Variants in SHROOM4 observed in about 807,000 individuals in gnomAD.
The protein encoded by SHROOM4 is protein Shroom4.
SHROOM4 carries 17 observed loss-of-function variants against 80.3 expected under a neutral mutation model. That is an observed-to-expected ratio of 0.21 (90% confidence interval 0.14 to 0.32). The LOEUF (loss-of-function observed/expected upper bound fraction) is 0.32. Ranked by LOEUF, SHROOM4 falls within the 10% of genes least tolerant of loss-of-function variation. SHROOM4 has a pLI of 1.00. For missense variants in SHROOM4, 993 were observed against 1,140.3 expected, an observed-to-expected ratio of 0.87 and a Z score of 1.86; for synonymous variants, 400 against 437.5, an observed-to-expected ratio of 0.91 and a Z score of 1.07.
Position 50,813,986 on chromosome X carries a change from G to T in SHROOM4, c.33C>A (p.Val11=). 8.3e-7 allele frequency: 1 copy of T among 1,209,291 alleles called. No homozygotes were observed. Among genetic ancestry groups the T allele is most frequent in the African/African-American group, 1.7e-5 (1 of 57,582 alleles). The change falls in exon 1 of 9, where the codon GTC becomes GTA. Residue 11 remains valine, a synonymous_variant. Coordinates refer to ENST00000376020, the MANE Select transcript of SHROOM4 (RefSeq NM_020717.5). The part of the protein sequence containing the change: MENRPGSFQY[V]PVQLQGGAPW... ...GTGCCCCCCCTTGCAGCTGCACAGG[G>T]ACGTACTGGAAGGACCCAGGCCGGT...
intron 1 of SHROOM4, among the ~76,000 whole-genome samples, chrX:50,732,266 G>A (rs1470373070): frequency 9.0e-6 from 1 of 111,302 alleles, no homozygotes; most frequent in Non-Finnish European, 1.9e-5. Flanking sequence ...TTAAGACTGC[G>A]TGTGTGCTGG....
chrX:50,640,336 C>T (rs1432843231), intron 2 of SHROOM4, among the ~76,000 whole-genome samples: 1 of 110,417 alleles, frequency 9.1e-6, no homozygotes, highest in Non-Finnish European at 1.9e-5. Flanking sequence ...CAATCCCACA[C>T]GGAGTTCTAC....
intron 1 of SHROOM4, among the ~76,000 whole-genome samples, chrX:50,807,286 T>A (rs1936244656): frequency 8.9e-6 from 1 of 112,016 alleles, no homozygotes; most frequent in African/African-American, 3.2e-5. Context: ...GTCACTCTTG[T>A]GTGTATTCCA....
chrX:50,688,888 G>T (rs1557262469), intron 2 of SHROOM4, among the ~76,000 whole-genome samples: 3 of 110,244 alleles, frequency 2.7e-5, no homozygotes, highest in Non-Finnish European at 3.8e-5. Flanking sequence ...ACTTAAATTG[G>T]CATATGACAT....
chrX:50,645,064 T>C (rs17003379), intron 2 of SHROOM4, among the ~76,000 whole-genome samples: 1,956 of 112,211 alleles, frequency 0.017, 49 homozygotes, highest in African/African-American at 0.059. Context: ...AAGGCTCAAA[T>C]GCCAAACCCA....
chrX:50,715,158 G>A (rs1269359780), intron 1 of SHROOM4, among the ~76,000 whole-genome samples: 3 of 110,653 alleles, frequency 2.7e-5, no homozygotes, highest in Non-Finnish European at 3.8e-5. Flanking sequence ...TGCTTGATAC[G>A]CTCCTGACAT....
At chrX:50,668,963 T>C (rs1302674616) in intron 2 of SHROOM4, among the ~76,000 whole-genome samples, 1 of 112,956 alleles carries the variant, frequency 8.9e-6, no homozygotes, top group African/African-American at 3.2e-5. Context: ...ATATAAAAGT[T>C]ATGTTTACAC....
chrX:50,608,319 A>T, intron 5 of SHROOM4, 135 bp from the exon 6 acceptor site: 10 of 510,189 alleles, frequency 2.0e-5, no homozygotes, highest in South Asian at 3.4e-5. Context: ...AATAATAGTA[A>T]TAATAATATT....
At chrX:50,638,407 T>G in intron 2 of SHROOM4, 99 bp from the exon 3 acceptor site, 1 of 1,044,402 alleles carries the variant, frequency 9.6e-7, no homozygotes, top group East Asian at 3.2e-5. Context: ...TTCAGTAAAG[T>G]AGAACATCTT....
At chrX:50,647,927 T>C (rs781879559) in intron 2 of SHROOM4, among the ~76,000 whole-genome samples, 5 of 112,003 alleles carry the variant, frequency 4.5e-5, no homozygotes, top group Non-Finnish European at 9.4e-5. Context: ...TGGACTGCAG[T>C]GGGAGATGAT....
chrX:50,771,594 T>C (rs1557269724), intron 1 of SHROOM4, among the ~76,000 whole-genome samples: 1 of 112,110 alleles, frequency 8.9e-6, no homozygotes. Flanking sequence ...CAATAACAGT[T>C]GCAATGCAAT....
chrX:50,587,839 A>G lies in SHROOM4; in HGVS notation c.*8856T>C, dbSNP rs782618513. Among the ~76,000 whole-genome samples, 15 of 112,594 alleles carry G rather than the reference A, an allele frequency of 1.3e-4. No individual in the cohort carries two copies. Among genetic ancestry groups the G allele is most frequent in the Non-Finnish European group, 2.8e-4 (15 of 53,294 alleles). The stretch of plus-strand genomic sequence containing the variant: ...CCACAATTCTGAATTTTGATTAAAT[A>G]GTGTTTCAAAATCACAGATCTGTTT... On this transcript the variant is annotated 3_prime_UTR_variant, in exon 9 of 9. Coordinates refer to ENST00000376020, the MANE Select transcript of SHROOM4 (RefSeq NM_020717.5).
rs919865173 is a variant in SHROOM4, at chrX:50,740,390, A to C, written c.118-44453T>G. 2.7e-5 allele frequency among the ~76,000 whole-genome samples: 3 copies of C among 112,051 alleles called. No individual in the cohort carries two copies. The East Asian group carries it at 8.4e-4, about 31-fold the overall frequency. ...TTTATAATGATAAAAGGGTCAATCA[A>C]TTGGGAAGATAAAACAATTACATGA... is the stretch of plus-strand genomic sequence containing the variant. On this transcript the variant is annotated intron_variant, in intron 1 of 8. Coordinates refer to ENST00000376020, the MANE Select transcript of SHROOM4 (RefSeq NM_020717.5).
At chrX:50,801,353 G>C (rs1424730028) in intron 1 of SHROOM4, among the ~76,000 whole-genome samples, 2 of 109,444 alleles carry the variant, frequency 1.8e-5, no homozygotes, top group African/African-American at 6.7e-5. Flanking sequence ...GCCTGTTCCA[G>C]ATCACTGTCA....
intron 2 of SHROOM4, among the ~76,000 whole-genome samples, chrX:50,670,079 T>A (rs1557260679): frequency 8.9e-6 from 1 of 112,080 alleles, no homozygotes; most frequent in African/African-American, 3.2e-5. Flanking sequence ...ATGGCAGCTA[T>A]AGCCTTACAA....
chrX:50,634,595 C>T lies in SHROOM4; in HGVS notation c.1478G>A (p.Ser493Asn). The T allele has an allele frequency of 8.3e-7, 1 of 1,211,926 alleles. No individual in the cohort carries two copies. Among genetic ancestry groups the T allele is most frequent in the Non-Finnish European group, 1.1e-6 (1 of 895,580 alleles). Residue 493 changes from serine (S) to asparagine (N), a missense_variant, in exon 4 of 9, where the codon AGC becomes AAC. By Grantham distance (46) the Ser-to-Asn change is conservative. Coordinates refer to ENST00000376020, the MANE Select transcript of SHROOM4 (RefSeq NM_020717.5). ...ATCAGCCTCTCCATGTGGGGGACTG[C>T]TTTGGCTCTGGTGTCCCAAAACTAA... Reference protein sequence around the residue: ...RSLVLGHQSQSSPPHGEADGH... With the variant: ...RSLVLGHQSQNSPPHGEADGH...
chrX:50,641,616 T>C (rs1931601675), intron 2 of SHROOM4, among the ~76,000 whole-genome samples: 1 of 110,351 alleles, frequency 9.1e-6, no homozygotes, highest in African/African-American at 3.3e-5. Context: ...TCTTACTATT[T>C]TTTTTTTTTT....
intron 5 of SHROOM4, among the ~76,000 whole-genome samples, chrX:50,618,091 C>A (rs1219788372): frequency 9.0e-6 from 1 of 111,203 alleles, no homozygotes; most frequent in East Asian, 2.9e-4. Context: ...GGGTGTCAGC[C>A]TCAAGCCAAG....
chrX:50,744,071 A>G (rs782031328), intron 1 of SHROOM4, among the ~76,000 whole-genome samples: 1 of 111,138 alleles, frequency 9.0e-6, no homozygotes, highest in African/African-American at 3.3e-5. Context: ...TTTGACTATG[A>G]TATGTCTAGG....
Sources: allele counts gnomAD v4.1 joint callset (sites outside exome capture counted in the v4.1 genomes callset), GRCh38; gene constraint gnomAD v4.1.1; transcripts MANE v1.5; gene names NCBI Gene and HGNC (gene_info 2026-07-23, HGNC 2026-07-21).